ATP5F1C: variants seen among roughly 807,000 people sequenced by gnomAD.
ATP5F1C encodes the protein ATP synthase F1 subunit gamma, also known as ATP synthase F(1) complex subunit gamma, mitochondrial.
Under a neutral mutation model 37.4 loss-of-function variants are expected in ATP5F1C, and 22 were observed. The observed-to-expected ratio is 0.59, with a 90% confidence interval of 0.42 to 0.84. ATP5F1C has a LOEUF of 0.84. Among genes scored for constraint, ATP5F1C ranks in the 40% least tolerant of loss-of-function variants. ATP5F1C has a pLI of 0.00. For missense variants in ATP5F1C, 286 were observed against 362.4 expected, an observed-to-expected ratio of 0.79 and a Z score of 1.71; for synonymous variants, 121 against 128.0, an observed-to-expected ratio of 0.95 and a Z score of 0.37.
intron 3 of ATP5F1C, among the ~76,000 whole-genome samples, chr10:7,798,773 C>T (rs1224637531): frequency 2.6e-5 from 4 of 152,110 alleles, no homozygotes; most frequent in Admixed American, 1.3e-4. Flanking sequence ...TCAGGTGATC[C>T]GCCCACCTCG....
In ATP5F1C at chr10:7,802,437, G is replaced by A; in HGVS notation, c.793+12G>A. ...CAGCAAGAATGCTTGTAAGTACACAGTATGGACAGTGCCAGCAGGAGTGCT... is the reference window on the plus strand; with the variant it reads ...CAGCAAGAATGCTTGTAAGTACACAATATGGACAGTGCCAGCAGGAGTGCT... On this transcript the variant is annotated intron_variant, in intron 7 of 9. Transcript: ENST00000356708. 6.2e-7 allele frequency: 1 copy of A among 1,605,356 alleles called. No homozygotes were observed.
At chr10:7,797,211 G>T in intron 3 of ATP5F1C, 33 bp downstream of exon 3, 1 of 1,606,408 alleles carries the variant, frequency 6.2e-7, no homozygotes, top group Non-Finnish European at 8.5e-7. Flanking sequence ...AAATTAGGAA[G>T]AACTGTTTCA....
At chr10:7,793,580 T>C (rs1836194798) in intron 1 of ATP5F1C, among the ~76,000 whole-genome samples, 1 of 152,234 alleles carries the variant, frequency 6.6e-6, no homozygotes, top group Non-Finnish European at 1.5e-5. Flanking sequence ...GATTGACTTT[T>C]CATTCTCTTC....
chr10:7,807,305 G>T (rs188078125), intron 9 of ATP5F1C, among the ~76,000 whole-genome samples: 1 of 152,070 alleles, frequency 6.6e-6, no homozygotes, highest in African/African-American at 2.4e-5. Flanking sequence ...ACACTTTATG[G>T]TCTCTGGACC....
rs750885133 is a variant in ATP5F1C at position 7,797,188 on chromosome 10, G to A, written c.223+10G>A. 89 of 1,612,070 alleles carry A rather than the reference G, an allele frequency of 5.5e-5. No individual in the cohort carries two copies. Among genetic ancestry groups the A allele is most frequent in the Non-Finnish European group, 7.4e-5 (87 of 1,178,800 alleles). ...GGATTGGGATCTTTAGGTAAGGGAA[G>A]AGTGTAATTCACAAATTAGGAAGAA... is the stretch of plus-strand genomic sequence containing the variant. On this transcript the variant is annotated intron_variant, in intron 3 of 9. Transcript: ENST00000356708.
intron 6 of ATP5F1C, among the ~76,000 whole-genome samples, chr10:7,800,731 G>A (rs539097910): frequency 6.6e-6 from 1 of 152,090 alleles, no homozygotes; most frequent in African/African-American, 2.4e-5. Flanking sequence ...CTGCCCTCAA[G>A]TGATCCACCT....
chr10:7,788,593 TC>T (rs1225600676), intron 1 of ATP5F1C, among the ~76,000 whole-genome samples: 1 of 152,140 alleles, frequency 6.6e-6, no homozygotes, highest in Non-Finnish European at 1.5e-5. Context: ...TTCCTGAGCT[TC>T]CACTTCCACT....
chr10:7,788,223 G>A lies in ATP5F1C; in HGVS notation c.16G>A (p.Gly6Ser), dbSNP rs1224831300. 1.9e-6 allele frequency: 3 copies of A among 1,613,564 alleles called. No individual in the cohort carries two copies. The highest frequency in any genetic ancestry group is 2.5e-6 in the Non-Finnish European group (3 of 1,179,926). Reference sequence around the variant, plus strand: ...TGTGGCTACCATGTTCTCTCGCGCGGGTGTCGCTGGGCTGTCGGCCTGGAC... The same window carrying A: ...TGTGGCTACCATGTTCTCTCGCGCGAGTGTCGCTGGGCTGTCGGCCTGGAC... Reference protein sequence around the residue: MFSRAGVAGLSAWTLQ... With the variant: MFSRASVAGLSAWTLQ... Residue 6 changes from glycine to serine, a missense_variant, in exon 1 of 10, where the codon GGT (glycine) becomes AGT (serine). By Grantham distance (56) the Gly-to-Ser change is moderately conservative. Transcript: ENST00000356708.
chr10:7,797,219 T>G, intron 3 of ATP5F1C, 41 bp downstream of exon 3: 1 of 1,605,152 alleles, frequency 6.2e-7, no homozygotes, highest in Non-Finnish European at 8.5e-7. Context: ...AAGAACTGTT[T>G]CACACAAGGA....
chr10:7,803,803 A>G (rs1485485205), intron 8 of ATP5F1C, among the ~76,000 whole-genome samples: 1 of 152,202 alleles, frequency 6.6e-6, no homozygotes, highest in Non-Finnish European at 1.5e-5. Context: ...GATTAGATAA[A>G]ACGTGTAGTA....
intron 8 of ATP5F1C, 136 bp from the exon 9 acceptor site, chr10:7,806,838 T>C: frequency 1.6e-6 from 1 of 639,754 alleles, no homozygotes; most frequent in East Asian, 2.7e-5. Flanking sequence ...GGTAAGTATT[T>C]TTGCATGATG....
chr10:7,804,422 G>C (rs1282154426), intron 8 of ATP5F1C, among the ~76,000 whole-genome samples: 1 of 152,162 alleles, frequency 6.6e-6, no homozygotes, highest in Non-Finnish European at 1.5e-5. Context: ...CAGATCTACA[G>C]ATTCGTCACT....
intron 2 of ATP5F1C, chr10:7,796,588 TA>T (rs201537128): frequency 0.011 from 668 of 59,312 alleles, 21 homozygotes; most frequent in African/African-American, 0.019. Context: ...GTACTATTTC[TA>T]TTTTTTTTTT....
chr10:7,807,725 T>C lies in ATP5F1C; in HGVS notation c.*97T>C, dbSNP rs4655. ...TACTGCTGCCTTTGTCCGAAGAAAC[T>C]GTTCCTCCATTATTTGAATTACTGA... On this transcript the variant is annotated 3_prime_UTR_variant, in exon 10 of 10. Coordinates refer to ENST00000356708, the MANE Select transcript of ATP5F1C (RefSeq NM_001001973.3). The C allele has an allele frequency of 0.36, 565,113 of 1,557,388 alleles. 103,286 individuals carry two copies. The highest frequency in any genetic ancestry group is 0.43 in the South Asian group (35,794 of 83,842).
intron 1 of ATP5F1C, among the ~76,000 whole-genome samples, chr10:7,788,472 C>T (rs1836092708): frequency 6.6e-6 from 1 of 152,202 alleles, no homozygotes; most frequent in African/African-American, 2.4e-5. Flanking sequence ...TCCGGCGGAG[C>T]AAGGTCCCGC....
chr10:7,807,604 A>AT (rs1836508391), intron 9 of ATP5F1C, 55 bp from the exon 10 acceptor site: 1 of 1,569,680 alleles, frequency 6.4e-7, no homozygotes, highest in African/African-American at 1.4e-5. Flanking sequence ...TCTTGACATT[A>AT]TTTTCCCAAA....
chr10:7,801,514 T>C (rs748619851), intron 6 of ATP5F1C: 2 of 152,230 alleles, frequency 1.3e-5, no homozygotes, highest in Non-Finnish European at 2.9e-5. Context: ...ATTTTCCAGA[T>C]TGATACATTC....
intron 6 of ATP5F1C, among the ~76,000 whole-genome samples, chr10:7,800,523 C>G (rs1836342048): frequency 1.5e-5 from 2 of 136,512 alleles, no homozygotes; most frequent in African/African-American, 2.7e-5. Flanking sequence ...GAGACGGAGT[C>G]TCACTGTGTC....
At chr10:7,803,466 A>G (rs917003934) in intron 8 of ATP5F1C, among the ~76,000 whole-genome samples, 8 of 152,158 alleles carry the variant, frequency 5.3e-5, no homozygotes, top group African/African-American at 1.7e-4. Flanking sequence ...TTATAATGCT[A>G]TGTAAATTGT....
Sources: allele counts gnomAD v4.1 joint callset (sites outside exome capture counted in the v4.1 genomes callset), GRCh38; gene constraint gnomAD v4.1.1; transcripts MANE v1.5; gene names NCBI Gene and HGNC (gene_info 2026-07-23, HGNC 2026-07-21).